Variants in ZNF280D observed in about 807,000 individuals in gnomAD.
ZNF280D encodes the protein suppressor of hairy wing homolog 4.
ZNF280D carries 39 observed loss-of-function variants against 94.7 expected under a neutral mutation model. That is an observed-to-expected ratio of 0.41 (90% CI 0.32 to 0.54). The LOEUF (loss-of-function observed/expected upper bound fraction) is 0.54, where lower values mean the gene tolerates loss of function less well. Among genes scored for constraint, ZNF280D ranks in the 20% least tolerant of loss-of-function variants. The pLI is 0.22. For synonymous variants in ZNF280D, 398 were observed against 377.6 expected, an observed-to-expected ratio of 1.05 and a Z score of -0.63; for missense variants, 1,090 against 1,149.3, an observed-to-expected ratio of 0.95 and a Z score of 0.75.
At position 56,666,519 on chromosome 15, in the gene ZNF280D, G is replaced by C; in HGVS notation, c.1870C>G (p.His624Asp). 6.3e-7 allele frequency: 1 copy of C among 1,594,638 alleles called. No individual in the cohort carries two copies. The highest frequency in any genetic ancestry group is 8.5e-7 in the Non-Finnish European group (1 of 1,174,984). ...LRNLRYRRGI[H>D]KCIECCSEIK... ...TCGGAACAACACTCAATGCATTTGT[G>C]AATGCCCCGACGATACCTTAGGGAG... The change falls in exon 16 of 22, where the codon CAC (histidine) becomes GAC (aspartate). Residue 624 changes from histidine to aspartate, a missense_variant. By Grantham distance (81) the His-to-Asp change is moderately conservative. This residue lies in a region of ZNF280D where 577 missense variants were observed against 568.8 expected (regional missense o/e 1.01). Transcript: ENST00000267807.
At chr15:56,691,315 T>C (rs1230169313) in intron 7 of ZNF280D, among the ~76,000 whole-genome samples, 1 of 152,150 alleles carries the variant, frequency 6.6e-6, no homozygotes, top group Non-Finnish European at 1.5e-5. Context: ...AAATACTCGA[T>C]TACTGATAGA....
chr15:56,665,818 G>A (rs1160281344), intron 16 of ZNF280D, among the ~76,000 whole-genome samples: 2 of 151,858 alleles, frequency 1.3e-5, no homozygotes, highest in Admixed American at 1.3e-4. Flanking sequence ...AAACACCAAT[G>A]GGGCAATAAA....
chr15:56,717,375 G>C (rs1339971973), intron 1 of ZNF280D, among the ~76,000 whole-genome samples: 1 of 152,068 alleles, frequency 6.6e-6, no homozygotes, highest in Non-Finnish European at 1.5e-5. Context: ...AGAAGTAAAA[G>C]CTATTTATGG....
intron 6 of ZNF280D, chr15:56,699,698 C>T (rs1359335818): frequency 4.1e-6 from 2 of 491,508 alleles, no homozygotes; most frequent in African/African-American, 4.2e-5. Flanking sequence ...GTTTACCTCA[C>T]AATTCAATCA....
At chr15:56,689,247 A>C in intron 8 of ZNF280D, 53 bp downstream of exon 8, 1 of 1,559,364 alleles carries the variant, frequency 6.4e-7, no homozygotes, top group Non-Finnish European at 8.7e-7. Flanking sequence ...CCACTTCAAA[A>C]ATGTATGTAT....
intron 19 of ZNF280D, among the ~76,000 whole-genome samples, chr15:56,644,289 A>G (rs1391606303): frequency 6.6e-6 from 1 of 152,100 alleles, no homozygotes; most frequent in African/African-American, 2.4e-5. Context: ...CAAGTATTTA[A>G]TTGTGCACAA....
At chr15:56,725,632 T>C (rs1278238029) in intron 1 of ZNF280D, among the ~76,000 whole-genome samples, 4 of 152,014 alleles carry the variant, frequency 2.6e-5, no homozygotes, top group Non-Finnish European at 5.9e-5. Flanking sequence ...CCTAGTAGAA[T>C]CCTTCAAAGA....
Position 56,701,026 on chromosome 15 carries a change from T to C in ZNF280D, c.288A>G (p.Pro96=), listed in dbSNP as rs1490917501. The C allele has an allele frequency of 9.9e-6, 16 of 1,613,846 alleles. No individual in the cohort carries two copies. Among genetic ancestry groups the C allele is most frequent in the African/African-American group, 1.3e-5 (1 of 74,932 alleles). The change falls in exon 6 of 22, where the codon CCA becomes CCG. Residue 96 remains proline, a synonymous_variant. Coordinates refer to ENST00000267807, the MANE Select transcript of ZNF280D (RefSeq NM_017661.4). ...FKPTSQHYTN[P]TSNPVPASPI... ...GTGAGGCAGGCACTGGATTTGATGT[T>C]GGATTCGTGTAGTGTTGACTTGTAG...
intron 4 of ZNF280D, among the ~76,000 whole-genome samples, chr15:56,702,365 A>G (rs983595717): frequency 2.6e-5 from 4 of 152,236 alleles, no homozygotes; most frequent in African/African-American, 7.2e-5. Context: ...TTATATAAAC[A>G]TTTAACTCAT....
At position 56,682,273 on chromosome 15, in the gene ZNF280D, T is replaced by A. The variant is rs1455065294; in HGVS notation, c.985A>T (p.Ile329Phe). The A allele has an allele frequency of 6.4e-7, 1 of 1,564,936 alleles. No homozygotes were observed. The highest frequency in any genetic ancestry group is 2.2e-5 in the Admixed American group (1 of 44,684). Residue 329 changes from isoleucine (I) to phenylalanine (F), a missense_variant, in exon 10 of 22, where the codon ATT (isoleucine) becomes TTT (phenylalanine). Coordinates refer to ENST00000267807, the MANE Select transcript of ZNF280D (RefSeq NM_017661.4). ...ACATACCTAATGTTATTTTTTAGAA[T>A]TTTCAAGCAACTGAAGCATTTAAAG... is the stretch of plus-strand genomic sequence containing the variant. Reference protein sequence around the residue: ...TTFKCFSCLKILKNNIRFMNH... With the variant: ...TTFKCFSCLKFLKNNIRFMNH...
chr15:56,688,489 C>CAAAAAA (rs55861049), intron 9 of ZNF280D, among the ~76,000 whole-genome samples: 4 of 76,670 alleles, frequency 5.2e-5, no homozygotes, highest in East Asian at 3.7e-4. Flanking sequence ...GACTCCGTCT[C>CAAAAAA]AAAAAAAAAA....
rs540207842 is a variant in ZNF280D at position 56,691,740 on chromosome 15, A to G, written c.499+1358T>C. Among the ~76,000 whole-genome samples, 3 of 152,308 alleles carry G rather than the reference A, an allele frequency of 2.0e-5. No individual in the cohort carries two copies. The East Asian group carries it at 5.8e-4, about 29-fold the overall frequency. On this transcript the variant is annotated intron_variant, in intron 7 of 21. Transcript: ENST00000267807. The stretch of plus-strand genomic sequence containing the variant: ...CACATATCATTCATAATTATCATTC[A>G]GAATAACTGTATTGTCAAGTCTTTT...
intron 9 of ZNF280D, among the ~76,000 whole-genome samples, chr15:56,686,299 G>A (rs148104387): frequency 6.6e-6 from 1 of 152,242 alleles, no homozygotes; most frequent in Non-Finnish European, 1.5e-5. Context: ...CACCATGCCT[G>A]GCTAAGTTCT....
rs1207460633 is a variant in ZNF280D at position 56,635,234 on chromosome 15, T to C, written c.2276A>G (p.Asn759Ser). 1.3e-6 allele frequency: 2 copies of C among 1,544,532 alleles called. No homozygotes were observed. Among genetic ancestry groups the C allele is most frequent in the Non-Finnish European group, 1.7e-6 (2 of 1,148,424 alleles). Residue 759 changes from asparagine (N) to serine (S), a missense_variant, in exon 21 of 22, where the codon AAC becomes AGC. Coordinates refer to ENST00000267807, the MANE Select transcript of ZNF280D (RefSeq NM_017661.4). ...EPVSKEIARPNMAERETETSN... is the reference protein window; with the variant it reads ...EPVSKEIARPSMAERETETSN... ...TGTTTCTGTTTCTCTTTCAGCCATG[T>C]TAGGTCTTGCAATTTCCTGAAATAA...
chr15:56,689,570 T>G, intron 7 of ZNF280D, 100 bp from the exon 8 acceptor site: 1 of 736,088 alleles, frequency 1.4e-6, no homozygotes, highest in Non-Finnish European at 2.0e-6. Context: ...GTAATATAAT[T>G]GAATTATCAT....
chr15:56,717,458 C>T (rs1181967734), intron 1 of ZNF280D, among the ~76,000 whole-genome samples: 1 of 151,414 alleles, frequency 6.6e-6, no homozygotes, highest in Admixed American at 6.6e-5. Flanking sequence ...GTAATAATAA[C>T]AACAACAGTA....
At chr15:56,639,365 G>A (rs2052514343) in intron 20 of ZNF280D, among the ~76,000 whole-genome samples, 1 of 150,116 alleles carries the variant, frequency 6.7e-6, no homozygotes, top group African/African-American at 2.4e-5. Context: ...CTTAAAAAAA[G>A]GAGAACACAG....
chr15:56,698,756 T>G (rs1396725325), intron 6 of ZNF280D: 2 of 152,198 alleles, frequency 1.3e-5, no homozygotes, highest in Admixed American at 6.5e-5. Flanking sequence ...CTGCTAGCTT[T>G]GAGGAAGCAA....
intron 1 of ZNF280D, among the ~76,000 whole-genome samples, chr15:56,723,001 T>C (rs1596683559): frequency 3.4e-5 from 5 of 147,794 alleles, no homozygotes; most frequent in South Asian, 2.1e-4. Flanking sequence ...CACCGCATAT[T>C]CTCACTCATA....
Sources: gnomAD v4.1 joint callset for allele counts (sites outside exome capture counted in the v4.1 genomes callset) on GRCh38, gnomAD v4.1.1 for gene constraint, gnomAD v4.1.1 regional missense constraint, MANE v1.5 for transcripts, NCBI Gene and HGNC (gene_info 2026-07-23, HGNC 2026-07-21) for gene names.